MPP7: variants seen among roughly 807,000 people sequenced by gnomAD.
MPP7 encodes the protein MAGUK p55 subfamily member 7.
A neutral mutation model predicts 76.5 loss-of-function variants in MPP7; 60 were observed. The observed-to-expected ratio is 0.78, with a 90% CI of 0.64 to 0.97. The LOEUF is 0.97. Among genes scored for constraint, MPP7 ranks in the 50% least tolerant of loss-of-function variants. The pLI, the probability that MPP7 is intolerant of heterozygous loss-of-function variation, is 0.00. For missense variants in MPP7, 641 were observed against 694.0 expected (o/e 0.92, Z 0.86); for synonymous variants, 237 against 244.5 (o/e 0.97, Z 0.29).
chr10:28,312,397 A>G (rs1259295986), intron 2 of MPP7, among the ~76,000 whole-genome samples: 1 of 152,074 alleles, frequency 6.6e-6, no homozygotes, highest in African/African-American at 2.4e-5. Context: ...ACAGAGCGCT[A>G]ATTGGTGCAT....
At chr10:28,075,760 C>T (rs893694035) in intron 12 of MPP7, among the ~76,000 whole-genome samples, 1 of 152,106 alleles carries the variant, frequency 6.6e-6, no homozygotes, top group African/African-American at 2.4e-5. Context: ...GGTTAGGTTC[C>T]CGAGTTCATG....
chr10:28,307,199 T>A (rs928182864), upstream of MPP7, among the ~76,000 whole-genome samples: 1 of 152,160 alleles, frequency 6.6e-6, no homozygotes, highest in Non-Finnish European at 1.5e-5. Flanking sequence ...TCACCTGCTG[T>A]TTATAGTAAA....
intron 1 of MPP7, among the ~76,000 whole-genome samples, chr10:28,263,961 G>C (rs151095902): frequency 6.4e-4 from 97 of 152,254 alleles, no homozygotes; most frequent in African/African-American, 2.3e-3. Context: ...CCAGAAAAAA[G>C]AAAGTTTGAG....
intron 11 of MPP7, among the ~76,000 whole-genome samples, chr10:28,113,778 C>T (rs1297336512): frequency 1.3e-5 from 2 of 152,200 alleles, no homozygotes; most frequent in Non-Finnish European, 2.9e-5. Flanking sequence ...GGACCCATGC[C>T]ATCTGGCTCG....
chr10:28,072,572 A>T (rs1322485157), intron 12 of MPP7, among the ~76,000 whole-genome samples: 2 of 152,222 alleles, frequency 1.3e-5, no homozygotes, highest in African/African-American at 4.8e-5. Flanking sequence ...TGACTTTAGT[A>T]CCTGACCCTT....
Position 28,093,033 on chromosome 10 carries a change from C to T in MPP7, c.953-3192G>A, listed in dbSNP as rs538894574. 5.9e-5 allele frequency among the ~76,000 whole-genome samples: 9 copies of T among 152,222 alleles called. No homozygotes were observed. In the East Asian group the frequency reaches 9.7e-4, roughly 16 times the overall value. ...ACCAACCCCAGCACCTACTCTGTCA[C>T]GGATGTGTGCTGGCCCAGACTGTAG... On this transcript the variant is annotated intron_variant, in intron 11 of 16. Transcript: ENST00000683449.
At chr10:28,317,789 T>C (rs1306369868) in intron 2 of MPP7, among the ~76,000 whole-genome samples, 1 of 152,200 alleles carries the variant, frequency 6.6e-6, no homozygotes, top group Non-Finnish European at 1.5e-5. Context: ...CCGCCATGCC[T>C]GGTCCAAGCA....
chr10:28,237,883 A>G, intron 2 of MPP7, among the ~76,000 whole-genome samples: 1 of 152,226 alleles, frequency 6.6e-6, no homozygotes, highest in East Asian at 1.9e-4. Flanking sequence ...ATTCTGGTCC[A>G]GAACAGGACC....
In MPP7 at chr10:28,238,622, C is replaced by G. The variant is rs554829143; in HGVS notation, c.-18G>C. The G allele has an allele frequency of 8.7e-6, 14 of 1,613,990 alleles. No homozygotes were observed. The East Asian group carries it at 2.7e-4, about 31-fold the overall frequency. ...GCTGGCATGATGCAAGGTGTAGGAA[C>G]AGGTCAGCCCACCGCTCTCCGGACA... On this transcript the variant is annotated 5_prime_UTR_variant, in exon 2 of 17. Transcript: ENST00000683449.
intron 1 of MPP7, among the ~76,000 whole-genome samples, chr10:28,254,408 T>C (rs1373817801): frequency 5.9e-5 from 9 of 152,326 alleles, no homozygotes; most frequent in Middle Eastern, 3.4e-3. Flanking sequence ...TGGGATTACC[T>C]GAAACCTCTG....
At chr10:28,097,801 T>A (rs1853638799) in intron 11 of MPP7, among the ~76,000 whole-genome samples, 1 of 152,082 alleles carries the variant, frequency 6.6e-6, no homozygotes, top group Non-Finnish European at 1.5e-5. Flanking sequence ...AATACAAAAA[T>A]ATGTAAGGCA....
At chr10:28,254,081 T>C (rs565279310) in intron 1 of MPP7, among the ~76,000 whole-genome samples, 1 of 144,976 alleles carries the variant, frequency 6.9e-6, no homozygotes, top group East Asian at 2.2e-4. Flanking sequence ...TCAATTGCAC[T>C]ATAATCTCCT....
chr10:28,305,118 A>G (rs557814309), upstream of MPP7, among the ~76,000 whole-genome samples: 1 of 152,338 alleles, frequency 6.6e-6, no homozygotes, highest in Non-Finnish European at 1.5e-5. Context: ...TTGAGGCACC[A>G]CCTAAATAAG....
chr10:28,327,980 T>C (rs888714982), intron 2 of MPP7, among the ~76,000 whole-genome samples: 1 of 152,230 alleles, frequency 6.6e-6, no homozygotes, highest in African/African-American at 2.4e-5. Context: ...GTTGCTGAAA[T>C]TGATGCAGGC....
intron 12 of MPP7, among the ~76,000 whole-genome samples, chr10:28,081,349 T>C (rs1183825028): frequency 2.0e-5 from 3 of 152,182 alleles, no homozygotes; most frequent in African/African-American, 7.2e-5. Context: ...TTTCAAAAAG[T>C]TGGGTTTCAC....
chr10:28,232,358 A>AACAC (rs3064135), intron 2 of MPP7, among the ~76,000 whole-genome samples: 2,851 of 147,422 alleles, frequency 0.019, 74 homozygotes, highest in East Asian at 0.061. Context: ...TGTCTCTTAA[A>AACAC]ACACACACAC....
At chr10:28,332,243 A>ATGTGTGTGTGTGTGTGTG (rs775712498) in intron 1 of MPP7, among the ~76,000 whole-genome samples, 126 of 102,036 alleles carry the variant, frequency 1.2e-3, no homozygotes, top group Admixed American at 3.7e-3. Flanking sequence ...TGTCAAATGT[A>ATGTGTGTGTGTGTGTGTG]TGCGTGTGTG....
chr10:28,334,957 G>C (rs72805630), upstream of MPP7, among the ~76,000 whole-genome samples: 15,686 of 152,262 alleles, frequency 0.1, 893 homozygotes, highest in Middle Eastern at 0.15. Flanking sequence ...GGTCAGAAAT[G>C]AGGAGGCAAA....
chr10:28,233,850 A>G (rs892435808), intron 2 of MPP7, among the ~76,000 whole-genome samples: 3 of 152,012 alleles, frequency 2.0e-5, no homozygotes, highest in Admixed American at 2.0e-4. Flanking sequence ...CAGCCTGGGC[A>G]ACACAGGGTA....
Sources: gnomAD v4.1 joint callset for allele counts (sites outside exome capture counted in the v4.1 genomes callset) on GRCh38, gnomAD v4.1.1 for gene constraint, MANE v1.5 for transcripts, NCBI Gene and HGNC (gene_info 2026-07-23, HGNC 2026-07-21) for gene names.